PLSCR4: variants seen among roughly 807,000 people sequenced by gnomAD.
PLSCR4 encodes the protein phospholipid scramblase 4.
PLSCR4 carries 25 observed loss-of-function variants against 36.3 expected under a neutral mutation model. That is an observed-to-expected ratio of 0.69 (90% CI 0.50 to 0.96). The LOEUF (loss-of-function observed/expected upper bound fraction) is 0.96. Ranked by LOEUF, PLSCR4 falls within the 40% of genes least tolerant of loss-of-function variation. PLSCR4 has a pLI of 0.00. For missense variants in PLSCR4, 408 were observed against 414.7 expected, an observed-to-expected ratio of 0.98 and a Z score of 0.14; for synonymous variants, 122 against 132.9, an observed-to-expected ratio of 0.92 and a Z score of 0.56.
intron 1 of PLSCR4, among the ~76,000 whole-genome samples, chr3:146,230,575 T>C (rs2035668273): frequency 6.6e-6 from 1 of 152,020 alleles, no homozygotes; most frequent in Non-Finnish European, 1.5e-5. Flanking sequence ...AAAAAGGAAA[T>C]ACTATTGTCT....
At chr3:146,213,785 TAG>T (rs1047152520) in intron 3 of PLSCR4, among the ~76,000 whole-genome samples, 14 of 152,230 alleles carry the variant, frequency 9.2e-5, no homozygotes, top group Admixed American at 3.3e-4. Context: ...TCCATTTGTC[TAG>T]GTTTCCTATT....
chr3:146,239,664 A>G (rs577941350), intron 1 of PLSCR4, among the ~76,000 whole-genome samples: 77 of 152,058 alleles, frequency 5.1e-4, no homozygotes, highest in Non-Finnish European at 1.0e-3. Flanking sequence ...CAGGAGAATC[A>G]CCTGAGGTTG....
At chr3:146,215,775 T>G (rs1340351204) in intron 3 of PLSCR4, among the ~76,000 whole-genome samples, 1 of 152,204 alleles carries the variant, frequency 6.6e-6, no homozygotes, top group Non-Finnish European at 1.5e-5. Context: ...AAGCCCAATT[T>G]GGGCTGTGTT....
rs540708979 is a variant in PLSCR4, at chr3:146,204,714, A to G, written c.354+1812T>C. 9.1e-4 allele frequency among the ~76,000 whole-genome samples: 139 copies of G among 152,192 alleles called. 4 individuals are homozygous for G. In the South Asian group the frequency reaches 0.029, roughly 31 times the overall value. ...AAACAAGTTTTTAATATTTAAATAA[A>G]CAAAGCTATACAATTTGAAAAGAGA... On this transcript the variant is annotated intron_variant, in intron 4 of 8. Coordinates refer to ENST00000354952, the MANE Select transcript of PLSCR4 (RefSeq NM_020353.3).
At position 146,195,455 on chromosome 3, in the gene PLSCR4, T is replaced by A. The variant is rs181562896; in HGVS notation, c.787-173A>T. Among the ~76,000 whole-genome samples, 31 of 152,328 alleles carry A rather than the reference T, an allele frequency of 2.0e-4. No homozygotes were observed. In the East Asian group the frequency reaches 5.8e-3, roughly 28 times the overall value. On this transcript the variant is annotated intron_variant, in intron 7 of 8. Coordinates refer to ENST00000354952, the MANE Select transcript of PLSCR4 (RefSeq NM_020353.3). ...GGTTAACTGCCTTGCAACTGGTTAA[T>A]AACTGAGCTAGGGTATTCTTAAAAG...
intron 4 of PLSCR4, among the ~76,000 whole-genome samples, chr3:146,204,089 T>G (rs1576453715): frequency 2.0e-5 from 3 of 152,032 alleles, no homozygotes; most frequent in Non-Finnish European, 2.9e-5. Flanking sequence ...AATTTCAATA[T>G]TATTGTGTCC....
intron 1 of PLSCR4, among the ~76,000 whole-genome samples, chr3:146,226,135 G>T (rs57199369): frequency 0.027 from 4,106 of 152,232 alleles, 192 homozygotes; most frequent in African/African-American, 0.093. Context: ...AGTGATGAGG[G>T]GTGGCTGTTT....
At chr3:146,205,271 G>A (rs973591333) in intron 4 of PLSCR4, among the ~76,000 whole-genome samples, 1 of 151,962 alleles carries the variant, frequency 6.6e-6, no homozygotes, top group African/African-American at 2.4e-5. Context: ...GCCCTCAGTG[G>A]ATACCTGAAA....
intron 6 of PLSCR4, 53 bp from the exon 7 acceptor site, chr3:146,196,846 T>A: frequency 1.3e-6 from 2 of 1,493,630 alleles, no homozygotes; most frequent in Non-Finnish European, 1.9e-6. Context: ...ACACATACAC[T>A]TACACATACG....
chr3:146,220,602 A>G (rs1011810076), intron 3 of PLSCR4, among the ~76,000 whole-genome samples: 16 of 152,164 alleles, frequency 1.1e-4, no homozygotes, highest in African/African-American at 1.2e-4. Flanking sequence ...AATGTCATCA[A>G]TATTTGCACA....
intron 1 of PLSCR4, among the ~76,000 whole-genome samples, chr3:146,223,070 AG>A (rs1248802659): frequency 6.8e-6 from 1 of 146,114 alleles, no homozygotes; most frequent in Non-Finnish European, 1.5e-5. Flanking sequence ...GGGATGGAGG[AG>A]GGTAAGAATT....
At chr3:146,197,786 A>T (rs2033827571) in intron 6 of PLSCR4, among the ~76,000 whole-genome samples, 1 of 152,110 alleles carries the variant, frequency 6.6e-6, no homozygotes, top group Non-Finnish European at 1.5e-5. Context: ...GAATTTGGGG[A>T]AAGGATTACC....
At chr3:146,242,085 G>A (rs1175395469) in intron 1 of PLSCR4, among the ~76,000 whole-genome samples, 2 of 152,144 alleles carry the variant, frequency 1.3e-5, no homozygotes, top group Non-Finnish European at 2.9e-5. Flanking sequence ...TCCGTTGAAG[G>A]CAAATGCCTC....
intron 1 of PLSCR4, among the ~76,000 whole-genome samples, chr3:146,232,648 T>G (rs1375459141): frequency 1.3e-5 from 2 of 152,200 alleles, no homozygotes; most frequent in Non-Finnish European, 2.9e-5. Context: ...GTTTGGCCAT[T>G]ACTGGTGTAT....
At chr3:146,209,259 CA>C (rs1325058275) in intron 3 of PLSCR4, among the ~76,000 whole-genome samples, 1 of 151,664 alleles carries the variant, frequency 6.6e-6, no homozygotes, top group Non-Finnish European at 1.5e-5. Flanking sequence ...TTTGGGGGCT[CA>C]GGGGTAATGA....
chr3:146,249,813 T>A (rs1373618973), intron 1 of PLSCR4, among the ~76,000 whole-genome samples: 5 of 152,162 alleles, frequency 3.3e-5, no homozygotes, highest in African/African-American at 1.2e-4. Context: ...GAATGTTATG[T>A]ATTTTATTGG....
At chr3:146,199,757 A>G (rs1373930278) in intron 6 of PLSCR4, 56 bp downstream of exon 6, 21 of 1,347,766 alleles carry the variant, frequency 1.6e-5, no homozygotes, top group Admixed American at 3.6e-5. Flanking sequence ...GGAGCACACT[A>G]TGCCATGAAG....
In PLSCR4 at chr3:146,194,173, G is replaced by A. The variant is rs553452789; in HGVS notation, c.*238C>T. ...AGCTTACTTTGTATATGTTTACTGG[G>A]TTAATGAGTCACAGCTTTTCAGGAT... is the stretch of plus-strand genomic sequence containing the variant. On this transcript the variant is annotated 3_prime_UTR_variant, in exon 9 of 9. Transcript: ENST00000354952. 4.2e-6 allele frequency: 2 copies of A among 471,980 alleles called. No homozygotes were observed. The highest frequency in any genetic ancestry group is 3.7e-5 in the Admixed American group (1 of 26,978). The allele number at this position is 471,980 out of a possible 1,614,324, so 29.2% of individuals were successfully genotyped here. A position where few individuals can be genotyped will look rare whatever the true frequency, so the allele number is the denominator to read the frequency against.
At chr3:146,200,983 C>A (rs2034020346) in intron 5 of PLSCR4, 52 bp downstream of exon 5, 2 of 1,222,362 alleles carry the variant, frequency 1.6e-6, no homozygotes, top group East Asian at 2.5e-5. Flanking sequence ...TTGGATAATG[C>A]AAATTTCCAT....
Sources: allele counts gnomAD v4.1 joint callset (sites outside exome capture counted in the v4.1 genomes callset), GRCh38; gene constraint gnomAD v4.1.1; transcripts MANE v1.5; gene names NCBI Gene and HGNC (gene_info 2026-07-23, HGNC 2026-07-21).